The following DAB1 variants were observed in gnomAD, a reference collection of about 807,000 sequenced individuals.
The protein encoded by DAB1 is DAB adaptor protein 1.
In DAB1, 15 loss-of-function variants were observed where a neutral mutation model predicts 64.6. That is an observed-to-expected ratio of 0.23 (90% CI 0.16 to 0.36). The LOEUF (loss-of-function observed/expected upper bound fraction) is 0.36, where lower values mean the gene tolerates loss of function less well. Ranked by LOEUF, DAB1 falls within the 10% of genes least tolerant of loss-of-function variation. The pLI is 1.00. For missense variants in DAB1, 596 were observed against 706.7 expected, an observed-to-expected ratio of 0.84 and a Z score of 1.78; for synonymous variants, 235 against 251.9, an observed-to-expected ratio of 0.93 and a Z score of 0.64.
chr1:57,716,258 G>A lies in DAB1; in HGVS notation n.552-66593C>T, dbSNP rs149222353. 8.5e-5 allele frequency among the ~76,000 whole-genome samples: 13 copies of A among 152,192 alleles called. No homozygotes were observed. In the East Asian group the frequency reaches 2.1e-3, roughly 25 times the overall value. Reference sequence around the variant, plus strand: ...ATAAAAAGAACCTTAAAATTCATGCGAAAATGCAAAAGACCCTGGATAGCC... The same window carrying A: ...ATAAAAAGAACCTTAAAATTCATGCAAAAATGCAAAAGACCCTGGATAGCC... On this transcript the variant is annotated intron_variant and non_coding_transcript_variant, in intron 6 of 20. Transcript: ENST00000485760.
intron 7 of DAB1, among the ~76,000 whole-genome samples, chr1:57,560,030 T>C (rs1377197090): frequency 2.6e-5 from 4 of 152,242 alleles, no homozygotes; most frequent in Non-Finnish European, 2.9e-5. Context: ...CAATTGCAAC[T>C]GCTGTACCAG....
intron 5 of DAB1, among the ~76,000 whole-genome samples, chr1:57,927,270 G>A (rs74753047): frequency 0.015 from 2,210 of 152,228 alleles, 26 homozygotes; most frequent in Middle Eastern, 0.061. Flanking sequence ...TTTGAGATTC[G>A]AGAACAGAGG....
intron 3 of DAB1, among the ~76,000 whole-genome samples, chr1:57,143,707 C>A (rs905174282): frequency 1.3e-5 from 2 of 151,900 alleles, no homozygotes; most frequent in Admixed American, 1.3e-4. Context: ...TTTTGTATAG[C>A]ATAAACAAAA....
At chr1:58,132,029 G>A (rs1441108525) in intron 5 of DAB1, among the ~76,000 whole-genome samples, 1 of 152,092 alleles carries the variant, frequency 6.6e-6, no homozygotes, top group Non-Finnish European at 1.5e-5. Context: ...AATCAAGCCT[G>A]GGCAATGGCG....
chr1:58,268,359 T>A (rs592262), intron 4 of DAB1, among the ~76,000 whole-genome samples: 100,575 of 151,912 alleles, frequency 0.66, 34,401 homozygotes, highest in East Asian at 0.87. Context: ...AATTGTTAAA[T>A]TATAGGTCAT....
intron 1 of DAB1, among the ~76,000 whole-genome samples, chr1:57,830,715 C>G (rs906417144): frequency 6.6e-6 from 1 of 152,122 alleles, no homozygotes; most frequent in Non-Finnish European, 1.5e-5. Flanking sequence ...TTTAAATAGT[C>G]TCTAACTGAT....
intron 4 of DAB1, among the ~76,000 whole-genome samples, chr1:58,281,261 G>T (rs1227357389): frequency 1.3e-5 from 2 of 152,150 alleles, no homozygotes; most frequent in Non-Finnish European, 2.9e-5. Context: ...TGATTTTCCT[G>T]TGGGGAGCCC....
chr1:57,255,738 A>G (rs1669713250), intron 2 of DAB1, among the ~76,000 whole-genome samples: 1 of 152,188 alleles, frequency 6.6e-6, no homozygotes, highest in Non-Finnish European at 1.5e-5. Flanking sequence ...ACTAAACCAG[A>G]ATATTATCCC....
At chr1:58,129,156 G>A (rs1384030387) in intron 5 of DAB1, among the ~76,000 whole-genome samples, 1 of 150,850 alleles carries the variant, frequency 6.6e-6, no homozygotes, top group Non-Finnish European at 1.5e-5. Flanking sequence ...GTCTATTCAG[G>A]GATTCAACTT....
intron 7 of DAB1, among the ~76,000 whole-genome samples, chr1:57,441,341 T>C (rs1010821450): frequency 6.6e-6 from 1 of 150,544 alleles, no homozygotes; most frequent in Admixed American, 6.6e-5. Context: ...TCTTCTTTCT[T>C]TCTTTCTTTT....
chr1:58,290,542 A>G (rs1661792607), intron 4 of DAB1, among the ~76,000 whole-genome samples: 1 of 152,150 alleles, frequency 6.6e-6, no homozygotes, highest in South Asian at 2.1e-4. Flanking sequence ...TCTAATCTAT[A>G]TGTCACAGTA....
intron 5 of DAB1, among the ~76,000 whole-genome samples, chr1:57,890,350 A>C (rs1644292810): frequency 6.6e-6 from 1 of 151,256 alleles, no homozygotes; most frequent in African/African-American, 2.4e-5. Flanking sequence ...TGGGTCTGTG[A>C]CCCCAACTCT....
intron 7 of DAB1, among the ~76,000 whole-genome samples, chr1:57,494,266 T>C (rs893261381): frequency 2.0e-4 from 31 of 152,074 alleles, no homozygotes; most frequent in Admixed American, 7.9e-4. Flanking sequence ...TTTTTTTTTT[T>C]ACATTCTAAT....
chr1:57,289,621 C>T (rs963018338), intron 2 of DAB1, among the ~76,000 whole-genome samples: 1 of 152,174 alleles, frequency 6.6e-6, no homozygotes, highest in African/African-American at 2.4e-5. Flanking sequence ...ATATGTATTA[C>T]AGTTATGTCC....
chr1:57,957,809 G>A (rs1645425496), intron 5 of DAB1, among the ~76,000 whole-genome samples: 1 of 152,106 alleles, frequency 6.6e-6, no homozygotes, highest in Non-Finnish European at 1.5e-5. Context: ...GTACAAATAA[G>A]AATTAGCACC....
intron 3 of DAB1, among the ~76,000 whole-genome samples, chr1:58,472,842 C>A (rs1228349437): frequency 6.6e-6 from 1 of 152,156 alleles, no homozygotes; most frequent in Non-Finnish European, 1.5e-5. Flanking sequence ...CAGGCTTTGG[C>A]TCCAAAATTT....
chr1:57,984,357 A>C (rs2764673), intron 5 of DAB1, among the ~76,000 whole-genome samples: 132,444 of 152,094 alleles, frequency 0.87, 58,027 homozygotes, highest in Middle Eastern at 0.94. Flanking sequence ...TAATTACAAT[A>C]GTGATGGTAA....
At chr1:58,042,199 G>C (rs140547055) in intron 5 of DAB1, among the ~76,000 whole-genome samples, 3 of 152,130 alleles carry the variant, frequency 2.0e-5, no homozygotes, top group Admixed American at 2.0e-4. Flanking sequence ...ACAAACTCAC[G>C]GCTGGATTTC....
chr1:57,373,500 A>G (rs747259897), intron 1 of DAB1, among the ~76,000 whole-genome samples: 10 of 152,132 alleles, frequency 6.6e-5, no homozygotes, highest in Non-Finnish European at 1.5e-4. Context: ...ATTGGAAAGC[A>G]TTTGTATTTA....
Sources: gnomAD v4.1 joint callset for allele counts (sites outside exome capture counted in the v4.1 genomes callset) on GRCh38, gnomAD v4.1.1 for gene constraint, MANE v1.5 for transcripts, NCBI Gene and HGNC (gene_info 2026-07-23, HGNC 2026-07-21) for gene names.